The following ARF3 variants were observed in gnomAD, a reference collection of about 807,000 sequenced individuals.
ARF3 encodes ARF GTPase 3.
In ARF3, 5 loss-of-function variants were observed where a neutral mutation model predicts 19.3. The ratio of observed to expected loss-of-function variants is 0.26; its 90% confidence interval spans 0.14 to 0.54. ARF3 has a LOEUF of 0.54. Among genes scored for constraint, ARF3 ranks in the 20% least tolerant of loss-of-function variants. ARF3 has a pLI of 0.95. For missense variants in ARF3, 77 were observed against 234.2 expected (o/e 0.33, Z 4.38); for synonymous variants, 71 against 89.2 (o/e 0.80, Z 1.15).
At chr12:48,955,383 G>A (rs1940544634) in intron 1 of ARF3, among the ~76,000 whole-genome samples, 1 of 152,182 alleles carries the variant, frequency 6.6e-6, no homozygotes, top group South Asian at 2.1e-4. Flanking sequence ...ACTTAGGTCT[G>A]ATGGAGAGAC....
chr12:48,956,006 C>T (rs1376810038), intron 1 of ARF3: 1 of 152,208 alleles, frequency 6.6e-6, no homozygotes, highest in African/African-American at 2.4e-5. Context: ...TGTCCCATAA[C>T]ACTGTCCCAT....
chr12:48,948,964 G>A (rs1032918491), intron 1 of ARF3, among the ~76,000 whole-genome samples: 3 of 152,166 alleles, frequency 2.0e-5, no homozygotes, highest in African/African-American at 7.2e-5. Flanking sequence ...AAAGACTGGA[G>A]GCACAGACAC....
At position 48,941,752 on chromosome 12, in the gene ARF3, A is replaced by T. The variant is rs559960192; in HGVS notation, c.-93-564T>A. On this transcript the variant is annotated intron_variant, in intron 1 of 4. Transcript: ENST00000256682. ...TCTTTCTTCCACACCAAAATAAAGG[A>T]GGAATAAGAAAGCCGCACTCTTAAA... is the stretch of plus-strand genomic sequence containing the variant. 2.6e-5 allele frequency among the ~76,000 whole-genome samples: 4 copies of T among 152,334 alleles called. No homozygotes were observed. The South Asian group carries it at 8.3e-4, about 32-fold the overall frequency.
chr12:48,939,166 A>G lies in ARF3; in HGVS notation c.385-58T>C. On this transcript the variant is annotated intron_variant, in intron 4 of 4. Transcript: ENST00000256682. This position sits in a 1 kb window ranked among gnomAD's most constrained non-coding sequence, Gnocchi z 4.8. ...CTCAGGATTTTTTAAAGGCTTCTAG[A>G]ACACCCATCTACCAAAGAAATGTGT... 6.4e-7 allele frequency: 1 copy of G among 1,561,232 alleles called. No homozygotes were observed. Among genetic ancestry groups the G allele is most frequent in the Non-Finnish European group, 8.7e-7 (1 of 1,146,362 alleles).
At chr12:48,955,318 T>C (rs1471487642) in intron 1 of ARF3, among the ~76,000 whole-genome samples, 3 of 152,314 alleles carry the variant, frequency 2.0e-5, no homozygotes, top group Non-Finnish European at 4.4e-5. Flanking sequence ...TATACATATA[T>C]TGGTCCCTCC....
chr12:48,944,364 G>A (rs1473695321), intron 1 of ARF3, among the ~76,000 whole-genome samples: 1 of 152,156 alleles, frequency 6.6e-6, no homozygotes, highest in Non-Finnish European at 1.5e-5. Flanking sequence ...TGAAGTCCTG[G>A]TTCAAAAGCT....
At chr12:48,943,290 T>C (rs1940298578) in intron 1 of ARF3, among the ~76,000 whole-genome samples, 1 of 152,152 alleles carries the variant, frequency 6.6e-6, no homozygotes, top group African/African-American at 2.4e-5. Flanking sequence ...TGGCACAGGA[T>C]AGCCACAGAA....
rs779760179 is a variant in ARF3, at chr12:48,955,655, T to A, written c.-94+1655A>T. The A allele has an allele frequency of 7.2e-5, 11 of 152,274 alleles. No individual in the cohort carries two copies. The South Asian group carries it at 1.0e-3, about 14-fold the overall frequency. 9.4% of individuals were successfully genotyped at this position (152,274 alleles called of 1,614,324 possible). A position where few individuals can be genotyped will look rare whatever the true frequency, so the allele number is the denominator to read the frequency against. On this transcript the variant is annotated intron_variant, in intron 1 of 4. Coordinates refer to ENST00000256682, the MANE Select transcript of ARF3 (RefSeq NM_001659.3). ...AACTACAGTTAGAAAGCTTGTTGAG[T>A]TCTATCTATTTACATTCTAAATTCA...
At chr12:48,943,088 CAG>C (rs1420148211) in intron 1 of ARF3, among the ~76,000 whole-genome samples, 4 of 152,166 alleles carry the variant, frequency 2.6e-5, no homozygotes, top group African/African-American at 4.8e-5. Flanking sequence ...GCCTGGGTGA[CAG>C]GGCGAGAATC....
rs1940207762 is a variant in ARF3 at position 48,939,148 on chromosome 12, T to G, written c.385-40A>C. 1.9e-6 allele frequency: 3 copies of G among 1,593,724 alleles called. No homozygotes were observed. The highest frequency in any genetic ancestry group is 2.6e-6 in the Non-Finnish European group (3 of 1,167,412). ...AGACACATAAAAAGAAGCCTCAGGA[T>G]TTTTTAAAGGCTTCTAGAACACCCA... On this transcript the variant is annotated intron_variant, in intron 4 of 4. Transcript: ENST00000256682. This position sits in a 1 kb window ranked among gnomAD's most constrained non-coding sequence, Gnocchi z 4.8.
At chr12:48,950,877 C>T (rs533262603) in intron 1 of ARF3, among the ~76,000 whole-genome samples, 1 of 152,238 alleles carries the variant, frequency 6.6e-6, no homozygotes, top group African/African-American at 2.4e-5. Flanking sequence ...CCTCCATCTC[C>T]TGGGTTCAAC....
chr12:48,947,826 G>C (rs1940385682), intron 1 of ARF3, among the ~76,000 whole-genome samples: 2 of 152,094 alleles, frequency 1.3e-5, no homozygotes, highest in East Asian at 3.8e-4. Flanking sequence ...CTAATTCTCA[G>C]GTCATACCTG....
At chr12:48,942,963 C>T (rs958291250) in intron 1 of ARF3, among the ~76,000 whole-genome samples, 6 of 152,090 alleles carry the variant, frequency 3.9e-5, no homozygotes, top group African/African-American at 1.4e-4. Context: ...AAAAACTAGC[C>T]GGGCATGGTG....
At chr12:48,952,279 G>A (rs1940485954) in intron 1 of ARF3, among the ~76,000 whole-genome samples, 1 of 152,190 alleles carries the variant, frequency 6.6e-6, no homozygotes, top group South Asian at 2.1e-4. Flanking sequence ...CCTGGGAAGG[G>A]TCTGGCTTTT....
At position 48,937,995 on chromosome 12, in the gene ARF3, C is replaced by T. The variant is rs1303302052; in HGVS notation, c.*952G>A. The stretch of plus-strand genomic sequence containing the variant: ...CCCAATGCCCTGGGTCCCTAACACA[C>T]ACCATGGACTTGCCATCCCCACCCC... On this transcript the variant is annotated 3_prime_UTR_variant, in exon 5 of 5. Transcript: ENST00000256682. 3.4e-5 allele frequency: 6 copies of T among 174,794 alleles called. No homozygotes were observed. The highest frequency in any genetic ancestry group is 1.3e-4 in the South Asian group (1 of 7,488). The allele number at this position is 174,794 out of a possible 1,614,324, so 10.8% of individuals were successfully genotyped here.
rs914824035 is a variant in ARF3, at chr12:48,954,251, G to C, written c.-94+3059C>G. On this transcript the variant is annotated intron_variant, in intron 1 of 4. Coordinates refer to ENST00000256682, the MANE Select transcript of ARF3 (RefSeq NM_001659.3). ...CTCAGGCAGCAGGAGCTGTCTCTGC[G>C]ATGCTGATGCTGAAGCTGAAAAAAG... 3.3e-5 allele frequency among the ~76,000 whole-genome samples: 5 copies of C among 152,274 alleles called. No homozygotes were observed. In the South Asian group the frequency reaches 1.0e-3, roughly 32 times the overall value.
chr12:48,945,452 TC>T (rs1335829743), intron 1 of ARF3, among the ~76,000 whole-genome samples: 4 of 151,974 alleles, frequency 2.6e-5, no homozygotes, highest in Admixed American at 1.3e-4. Context: ...TGGTGGCTAC[TC>T]GGGAGGCTGA....
At chr12:48,948,530 A>G (rs1289171592) in intron 1 of ARF3, among the ~76,000 whole-genome samples, 1 of 152,064 alleles carries the variant, frequency 6.6e-6, no homozygotes, top group Non-Finnish European at 1.5e-5. Context: ...TGAAGAGTAC[A>G]GGCAAGGTGT....
At chr12:48,944,534 T>C in intron 1 of ARF3, among the ~76,000 whole-genome samples, 1 of 152,256 alleles carries the variant, frequency 6.6e-6, no homozygotes, top group Middle Eastern at 3.2e-3. Flanking sequence ...GTATTCCCTA[T>C]GTGCAAAGAC....
Sources: allele counts gnomAD v4.1 joint callset (sites outside exome capture counted in the v4.1 genomes callset), GRCh38; gene constraint gnomAD v4.1.1; non-coding constraint Gnocchi (gnomAD v3.1); transcripts MANE v1.5; gene names NCBI Gene and HGNC (gene_info 2026-07-23, HGNC 2026-07-21).